GRIK2: variants seen among roughly 807,000 people sequenced by gnomAD.
GRIK2 encodes the protein glutamate receptor ionotropic, kainate 2.
In GRIK2, 32 loss-of-function variants were observed where a neutral mutation model predicts 100.3. The ratio of observed to expected loss-of-function variants is 0.32; its 90% CI spans 0.24 to 0.43. The LOEUF is 0.43. Ranked by LOEUF, GRIK2 falls within the 20% of genes least tolerant of loss-of-function variation. The probability of loss-of-function intolerance (pLI) is 1.00; values close to 1 mark genes in which losing one functional copy is unlikely to be tolerated. For synonymous variants in GRIK2, 417 were observed against 389.4 expected (o/e 1.07, Z -0.83); for missense variants, 843 against 1,114.9 (o/e 0.76, Z 3.47).
intron 2 of GRIK2, among the ~76,000 whole-genome samples, chr6:101,558,049 C>T (rs1365222289): frequency 1.3e-5 from 2 of 152,146 alleles, no homozygotes. Context: ...AATTACCACC[C>T]ACTTCTTCCT....
At chr6:102,031,126 CA>C (rs1769976218) in intron 14 of GRIK2, among the ~76,000 whole-genome samples, 3 of 67,192 alleles carry the variant, frequency 4.5e-5, no homozygotes, top group South Asian at 4.1e-4. Context: ...CACACACACA[CA>C]CCCCCTTTGA....
At chr6:101,845,779 C>G (rs1783772104) in intron 10 of GRIK2, among the ~76,000 whole-genome samples, 1 of 152,132 alleles carries the variant, frequency 6.6e-6, no homozygotes. Flanking sequence ...TTCTCACTAG[C>G]AAATGTATGA....
chr6:101,954,995 T>A (rs932454978), intron 14 of GRIK2, among the ~76,000 whole-genome samples: 20 of 152,238 alleles, frequency 1.3e-4, no homozygotes, highest in Non-Finnish European at 4.4e-5. Context: ...ATAAAATATA[T>A]TATATTTATT....
At chr6:102,026,122 A>ATATATG (rs1449978337) in intron 14 of GRIK2, among the ~76,000 whole-genome samples, 2 of 47,800 alleles carry the variant, frequency 4.2e-5, no homozygotes, top group East Asian at 1.7e-3. Context: ...ATATATATAT[A>ATATATG]TATATATATA....
intron 14 of GRIK2, among the ~76,000 whole-genome samples, chr6:102,014,332 CCTT>C (rs1239617102): frequency 6.6e-6 from 1 of 151,740 alleles, no homozygotes; most frequent in Non-Finnish European, 1.5e-5. Context: ...GATCATCTCT[CCTT>C]CTTCTTTATT....
intron 14 of GRIK2, among the ~76,000 whole-genome samples, chr6:102,000,125 T>A (rs1201035810): frequency 2.0e-5 from 3 of 152,086 alleles, no homozygotes; most frequent in Non-Finnish European, 4.4e-5. Context: ...TGTTTGCTAG[T>A]TCTGTTTTCG....
intron 3 of GRIK2, among the ~76,000 whole-genome samples, chr6:101,624,492 AC>A (rs762601710): frequency 5.8e-4 from 88 of 152,268 alleles, no homozygotes; most frequent in Non-Finnish European, 7.6e-4. Flanking sequence ...ACAATAATTT[AC>A]TTAATTATTA....
rs546468808 is a variant in GRIK2, at chr6:101,964,964, G to C, written c.2085+36332G>C. Among the ~76,000 whole-genome samples, 17 of 151,874 alleles carry C rather than the reference G, an allele frequency of 1.1e-4. 1 individual carries two copies. Among genetic ancestry groups the C allele is most frequent in the African/African-American group, 3.9e-4 (16 of 41,398 alleles). ...ATGTTAAGTTTGCGGGAAAATACCT[G>C]AATAGTTTTTTTAAAGGAAGTAGCC... is the stretch of plus-strand genomic sequence containing the variant. On this transcript the variant is annotated intron_variant, in intron 14 of 16. Transcript: ENST00000369134.
intron 11 of GRIK2, among the ~76,000 whole-genome samples, chr6:101,868,703 G>C (rs767250274): frequency 9.2e-4 from 140 of 151,854 alleles, no homozygotes; most frequent in Non-Finnish European, 1.6e-3. Context: ...TAATGCTATA[G>C]AAATTTGTTC....
chr6:102,026,692 T>TA (rs1769722473), intron 14 of GRIK2, among the ~76,000 whole-genome samples: 1 of 151,280 alleles, frequency 6.6e-6, no homozygotes, highest in South Asian at 2.1e-4. Context: ...CTGATTTCTT[T>TA]TATTCCTCTA....
chr6:101,882,099 TATTC>T (rs1786289667), intron 11 of GRIK2, among the ~76,000 whole-genome samples: 1 of 152,004 alleles, frequency 6.6e-6, no homozygotes, highest in African/African-American at 2.4e-5. Context: ...TCATGAGACT[TATTC>T]ATTACTATGA....
intron 14 of GRIK2, among the ~76,000 whole-genome samples, chr6:101,969,521 A>G (rs1792903788): frequency 6.6e-6 from 1 of 152,074 alleles, no homozygotes; most frequent in Admixed American, 6.6e-5. Context: ...ATTTCAACTC[A>G]TAAAAATAAC....
intron 14 of GRIK2, among the ~76,000 whole-genome samples, chr6:101,942,772 G>T (rs1461762498): frequency 6.6e-6 from 1 of 152,052 alleles, no homozygotes; most frequent in Non-Finnish European, 1.5e-5. Context: ...ACAAAGAGAT[G>T]GTCTGAAATT....
chr6:101,880,951 T>A (rs928408976), intron 11 of GRIK2, among the ~76,000 whole-genome samples: 2 of 151,906 alleles, frequency 1.3e-5, no homozygotes, highest in African/African-American at 4.8e-5. Context: ...TTTCAGCAAC[T>A]AAAAATAAAG....
At chr6:101,439,933 T>C (rs1351608425) in intron 2 of GRIK2, among the ~76,000 whole-genome samples, 1 of 152,140 alleles carries the variant, frequency 6.6e-6, no homozygotes, top group Non-Finnish European at 1.5e-5. Flanking sequence ...TGAGAAAATA[T>C]TCATTTGTTA....
intron 10 of GRIK2, among the ~76,000 whole-genome samples, chr6:101,841,580 T>C (rs1373703321): frequency 6.6e-6 from 1 of 152,064 alleles, no homozygotes. Flanking sequence ...GCCAGGCTGG[T>C]CTCGAACTCC....
At chr6:101,871,694 A>G (rs1785428646) in intron 11 of GRIK2, among the ~76,000 whole-genome samples, 1 of 151,968 alleles carries the variant, frequency 6.6e-6, no homozygotes, top group Admixed American at 6.6e-5. Flanking sequence ...ACTTGTTGCC[A>G]CAAAAGGCAT....
chr6:101,657,361 A>G (rs536864316), intron 4 of GRIK2, among the ~76,000 whole-genome samples: 2 of 152,130 alleles, frequency 1.3e-5, no homozygotes, highest in South Asian at 2.1e-4. Context: ...TCCTTCCAAC[A>G]TGATTGTAAG....
At chr6:101,998,662 A>G (rs1264212134) in intron 14 of GRIK2, among the ~76,000 whole-genome samples, 2 of 152,090 alleles carry the variant, frequency 1.3e-5, no homozygotes, top group Non-Finnish European at 2.9e-5. Flanking sequence ...CGATAAAGGT[A>G]TAGATGAAAG....
Sources: allele counts gnomAD v4.1 joint callset (sites outside exome capture counted in the v4.1 genomes callset), GRCh38; gene constraint gnomAD v4.1.1; transcripts MANE v1.5; gene names NCBI Gene and HGNC (gene_info 2026-07-23, HGNC 2026-07-21).